LARGE1: variants seen among roughly 807,000 people sequenced by gnomAD.
LARGE1 encodes the protein LARGE xylosyl- and glucuronyltransferase 1.
Under a neutral mutation model 87.6 loss-of-function variants are expected in LARGE1, and 43 were observed. That is an observed-to-expected ratio of 0.49 (90% CI 0.38 to 0.63). The LOEUF is 0.63. LARGE1 is among the 30% of genes least tolerant of loss of function. The pLI, the probability that LARGE1 is intolerant of heterozygous loss-of-function variation, is 0.00. For synonymous variants in LARGE1, 434 were observed against 394.6 expected (o/e 1.10, Z -1.18); for missense variants, 802 against 1,000.2 (o/e 0.80, Z 2.67).
intron 9 of LARGE1, among the ~76,000 whole-genome samples, chr22:33,338,914 G>A (rs1184056049): frequency 6.6e-6 from 1 of 152,160 alleles, no homozygotes; most frequent in East Asian, 1.9e-4. Flanking sequence ...TTGGGAGGCT[G>A]AGGTGGGCAG....
In LARGE1 at chr22:33,166,496, T is replaced by C. The variant is rs181757607; in HGVS notation, c.*267A>G. ...ACCACGGGGATGTTCACCTGGCATGTACCACTTCAATGTTACCACGGGGAT... is the reference window on the plus strand; with the variant it reads ...ACCACGGGGATGTTCACCTGGCATGCACCACTTCAATGTTACCACGGGGAT... On this transcript the variant is annotated 3_prime_UTR_variant, in exon 12 of 12. Transcript: ENST00000608642. 1.7e-3 allele frequency: 567 copies of C among 325,492 alleles called. 2 individuals carry two copies. Among genetic ancestry groups the C allele is most frequent in the African/African-American group, 0.011 (501 of 46,078 alleles). 20.2% of individuals were successfully genotyped at this position (325,492 alleles called of 1,614,324 possible). A position where few individuals can be genotyped will look rare whatever the true frequency, so the allele number is the denominator to read the frequency against.
chr22:33,295,009 G>C (rs1170526412), intron 12 of LARGE1, among the ~76,000 whole-genome samples: 3 of 152,166 alleles, frequency 2.0e-5, no homozygotes, highest in Admixed American at 6.5e-5. Flanking sequence ...ACTTATCTTT[G>C]ACTAGGTTGT....
Position 33,842,114 on chromosome 22 carries a change from C to A in LARGE1, c.-83+77881G>T, listed in dbSNP as rs144505491. On this transcript the variant is annotated intron_variant, in intron 1 of 14. Transcript: ENST00000397394. ...ATCCCTTTATAGTTCTAAATGGTTCCTTACCATCTAGAAAGTCAGAACACT... is the reference window on the plus strand; with the variant it reads ...ATCCCTTTATAGTTCTAAATGGTTCATTACCATCTAGAAAGTCAGAACACT... 3.8e-3 allele frequency among the ~76,000 whole-genome samples: 586 copies of A among 152,270 alleles called. 6 individuals are homozygous for A. The highest frequency in any genetic ancestry group is 6.8e-3 in the Non-Finnish European group (462 of 68,010).
At chr22:33,665,573 A>G (rs1401409292) in intron 2 of LARGE1, among the ~76,000 whole-genome samples, 1 of 152,182 alleles carries the variant, frequency 6.6e-6, no homozygotes, top group Non-Finnish European at 1.5e-5. Context: ...GTTCTCTGAA[A>G]CGGGTTTATT....
At chr22:33,334,847 C>A (rs8140860) in intron 10 of LARGE1, among the ~76,000 whole-genome samples, 1 of 152,076 alleles carries the variant, frequency 6.6e-6, no homozygotes, top group Non-Finnish European at 1.5e-5. Context: ...GTGAGCTACA[C>A]GGCTCCTGGC....
intron 1 of LARGE1, among the ~76,000 whole-genome samples, chr22:33,799,448 T>C (rs1248596820): frequency 6.9e-6 from 1 of 144,764 alleles, no homozygotes; most frequent in Non-Finnish European, 1.5e-5. Context: ...AAGAAACTTC[T>C]TTTTTTTTTG....
intron 6 of LARGE1, among the ~76,000 whole-genome samples, chr22:33,484,975 G>A (rs1259154908): frequency 6.8e-6 from 1 of 147,632 alleles, no homozygotes; most frequent in African/African-American, 2.5e-5. Flanking sequence ...GCAGTGGCAC[G>A]ATCTTGGCTC....
rs1454430079 is a variant in LARGE1 at position 33,200,564 on chromosome 22, T to C, written c.1731-33732A>G. 2.6e-5 allele frequency among the ~76,000 whole-genome samples: 4 copies of C among 151,786 alleles called. No individual in the cohort carries two copies. The East Asian group carries it at 7.7e-4, about 29-fold the overall frequency. ...AATTTATTCATAACAGCATTATTCA[T>C]GTTAGTCAAAAAGGAGAAAAAACTG... On this transcript the variant is annotated intron_variant, in intron 11 of 11. Coordinates refer to the LARGE1 transcript ENST00000608642.
intron 3 of LARGE1, among the ~76,000 whole-genome samples, chr22:33,648,923 G>A (rs1019515592): frequency 1.3e-5 from 2 of 152,188 alleles, no homozygotes; most frequent in African/African-American, 2.4e-5. Flanking sequence ...TACAAAACAC[G>A]AGTGCAATAT....
intron 2 of LARGE1, among the ~76,000 whole-genome samples, chr22:33,673,398 CCT>C (rs1362036108): frequency 6.6e-6 from 1 of 152,212 alleles, no homozygotes; most frequent in East Asian, 1.9e-4. Flanking sequence ...TCCCCTCTCA[CCT>C]CTCAGATCCA....
intron 3 of LARGE1, among the ~76,000 whole-genome samples, chr22:33,630,722 G>A (rs1034471205): frequency 1.3e-5 from 2 of 152,156 alleles, no homozygotes; most frequent in African/African-American, 4.8e-5. Flanking sequence ...GTACACTACT[G>A]TGTACACTTA....
At chr22:33,879,391 G>A (rs544348167) in intron 1 of LARGE1, among the ~76,000 whole-genome samples, 33 of 152,316 alleles carry the variant, frequency 2.2e-4, no homozygotes, top group African/African-American at 7.9e-4. Flanking sequence ...CATGAGGCAT[G>A]GATCCTGCAT....
intron 7 of LARGE1, among the ~76,000 whole-genome samples, chr22:33,429,848 C>T (rs955927147): frequency 3.3e-5 from 5 of 152,120 alleles, no homozygotes; most frequent in Admixed American, 2.0e-4. Context: ...GTGGAACCCC[C>T]GTCCCTGGCC....
the LARGE1 span, among the ~76,000 whole-genome samples, chr22:33,096,566 GTTTTT>G: frequency 5.6e-5 from 6 of 107,884 alleles, no homozygotes; most frequent in Non-Finnish European, 8.8e-5. Context: ...TTTTGTTTTT[GTTTTT>G]TTTTTTTTTT....
chr22:33,310,545 G>A (rs989686359), intron 11 of LARGE1, among the ~76,000 whole-genome samples: 5 of 152,238 alleles, frequency 3.3e-5, no homozygotes, highest in East Asian at 1.9e-4. Context: ...AGGGAGCTGC[G>A]TACGGGAGTG....
intron 11 of LARGE1, among the ~76,000 whole-genome samples, chr22:33,204,963 T>G (rs1174340478): frequency 6.6e-6 from 1 of 152,084 alleles, no homozygotes; most frequent in East Asian, 1.9e-4. Flanking sequence ...AAAAGAGTGC[T>G]CAGAACACAT....
the LARGE1 span, among the ~76,000 whole-genome samples, chr22:33,070,129 A>G: frequency 6.6e-6 from 1 of 152,128 alleles, no homozygotes; most frequent in Non-Finnish European, 1.5e-5. Context: ...GCCTGTTATT[A>G]CATTCTTAAT....
intron 12 of LARGE1, among the ~76,000 whole-genome samples, chr22:33,291,712 A>C (rs189991211): frequency 2.6e-3 from 387 of 150,432 alleles, no homozygotes; most frequent in Non-Finnish European, 4.3e-3. Context: ...TTGACAAGAG[A>C]GAGTTTGGTC....
intron 1 of LARGE1, among the ~76,000 whole-genome samples, chr22:33,897,689 T>A (rs2065181109): frequency 1.3e-5 from 2 of 152,162 alleles, no homozygotes; most frequent in South Asian, 4.1e-4. Context: ...TTATCAAATC[T>A]CTTCAGTGAC....
Sources: gnomAD v4.1 joint callset for allele counts (sites outside exome capture counted in the v4.1 genomes callset) on GRCh38, gnomAD v4.1.1 for gene constraint, MANE v1.5 for transcripts, NCBI Gene and HGNC (gene_info 2026-07-23, HGNC 2026-07-21) for gene names.